ALCAM: variants seen among roughly 807,000 people sequenced by gnomAD.
The protein encoded by ALCAM is CD166 antigen.
In ALCAM, 30 loss-of-function variants were observed where a neutral mutation model predicts 70.9. That is an observed-to-expected ratio of 0.42 (90% CI 0.32 to 0.57). The LOEUF is 0.57. Ranked by LOEUF, ALCAM falls within the 20% of genes least tolerant of loss-of-function variation. The probability of loss-of-function intolerance (pLI) is 0.11; values close to 1 mark genes in which losing one functional copy is unlikely to be tolerated. For synonymous variants in ALCAM, 249 were observed against 242.5 expected, an observed-to-expected ratio of 1.03 and a Z score of -0.25; for missense variants, 591 against 695.1, an observed-to-expected ratio of 0.85 and a Z score of 1.68.
intron 1 of ALCAM, among the ~76,000 whole-genome samples, chr3:105,408,472 A>G (rs1936304494): frequency 6.6e-6 from 1 of 152,140 alleles, no homozygotes; most frequent in African/African-American, 2.4e-5. Flanking sequence ...TATTCAACAA[A>G]TGGTGCTGGG....
chr3:105,387,367 A>G (rs1935686827), intron 1 of ALCAM, among the ~76,000 whole-genome samples: 1 of 151,502 alleles, frequency 6.6e-6, no homozygotes, highest in Non-Finnish European at 1.5e-5. Context: ...GAAATATTGC[A>G]CAATCTATTA....
chr3:105,418,568 G>A (rs1328896484), intron 1 of ALCAM, among the ~76,000 whole-genome samples: 1 of 151,704 alleles, frequency 6.6e-6, no homozygotes, highest in Non-Finnish European at 1.5e-5. Flanking sequence ...TAAAATGGAG[G>A]ATTGTAATGG....
rs1357138899 is a variant in ALCAM, at chr3:105,574,973, A to T, written c.*522A>T. 6.6e-6 allele frequency: 1 copy of T among 152,376 alleles called. No individual in the cohort carries two copies. The highest frequency in any genetic ancestry group is 1.5e-5 in the Non-Finnish European group (1 of 68,010). The allele number at this position is 152,376 out of a possible 1,614,324, so 9.4% of individuals were successfully genotyped here. ...GCTTGTGAAGATTGGGGACACTCAT[A>T]TTGCCCTAATTAAAAACTGTGATTT... is the stretch of plus-strand genomic sequence containing the variant. On this transcript the variant is annotated 3_prime_UTR_variant, in exon 16 of 16. Coordinates refer to ENST00000306107, the MANE Select transcript of ALCAM (RefSeq NM_001627.4).
chr3:105,463,551 A>G (rs926774545), intron 1 of ALCAM, among the ~76,000 whole-genome samples: 8 of 151,430 alleles, frequency 5.3e-5, no homozygotes, highest in African/African-American at 1.9e-4. Flanking sequence ...TTGCTTTGCA[A>G]TTTACAAGAA....
At chr3:105,400,909 A>G (rs1288891548) in intron 1 of ALCAM, among the ~76,000 whole-genome samples, 1 of 152,228 alleles carries the variant, frequency 6.6e-6, no homozygotes, top group Non-Finnish European at 1.5e-5. Context: ...TACCTGTTTT[A>G]TAAAGTTAGT....
chr3:105,552,802 A>G (rs966076944), intron 14 of ALCAM: 105 of 1,345,892 alleles, frequency 7.8e-5, no homozygotes, highest in Non-Finnish European at 9.5e-5. Flanking sequence ...GTGTCCGTTT[A>G]TTTGTCTCAA....
At chr3:105,372,348 T>C (rs1935257186) in intron 1 of ALCAM, among the ~76,000 whole-genome samples, 1 of 152,130 alleles carries the variant, frequency 6.6e-6, no homozygotes, top group Non-Finnish European at 1.5e-5. Context: ...AAATTTTACA[T>C]TCTCTTTTCT....
At chr3:105,372,344 T>C (rs1483748221) in intron 1 of ALCAM, among the ~76,000 whole-genome samples, 2 of 152,122 alleles carry the variant, frequency 1.3e-5, no homozygotes, top group Non-Finnish European at 2.9e-5. Context: ...TAATAAATTT[T>C]ACATTCTCTT....
intron 1 of ALCAM, among the ~76,000 whole-genome samples, chr3:105,484,717 A>G (rs1938375050): frequency 6.6e-6 from 1 of 152,072 alleles, no homozygotes; most frequent in South Asian, 2.1e-4. Context: ...TTAACATCCA[A>G]AGGCATTTTT....
intron 1 of ALCAM, among the ~76,000 whole-genome samples, chr3:105,470,630 C>T (rs920648240): frequency 4.0e-5 from 6 of 150,996 alleles, no homozygotes; most frequent in African/African-American, 9.7e-5. Flanking sequence ...AAAAAGAGAG[C>T]GATAAACAGG....
At chr3:105,520,785 A>G (rs924223411) in intron 2 of ALCAM, among the ~76,000 whole-genome samples, 2 of 152,180 alleles carry the variant, frequency 1.3e-5, no homozygotes, top group East Asian at 1.9e-4. Context: ...TGGAATGGCT[A>G]TGTAACTTTG....
chr3:105,413,356 G>A (rs1936434092), intron 1 of ALCAM, among the ~76,000 whole-genome samples: 2 of 152,094 alleles, frequency 1.3e-5, no homozygotes, highest in Admixed American at 6.6e-5. Flanking sequence ...TATTTGTACA[G>A]TATTTCTTCT....
rs1940935969 is a variant in ALCAM, at chr3:105,575,191, C to T, written c.*740C>T. ...AAACAGAATTTGGTAGCACTTACCT[C>T]TACAGACACCTGCTAATAAATTATT... On this transcript the variant is annotated 3_prime_UTR_variant, in exon 16 of 16. Transcript: ENST00000306107. 1 of 152,576 alleles carries T rather than the reference C, an allele frequency of 6.6e-6. No homozygotes were observed. The highest frequency in any genetic ancestry group is 1.5e-5 in the Non-Finnish European group (1 of 68,036). The allele number at this position is 152,576 out of a possible 1,614,324, so 9.5% of individuals were successfully genotyped here.
chr3:105,424,496 G>T (rs1315486995), intron 1 of ALCAM, among the ~76,000 whole-genome samples: 1 of 151,646 alleles, frequency 6.6e-6, no homozygotes, highest in African/African-American at 2.4e-5. Context: ...TTTCATGGTG[G>T]TCTACTGAGA....
At chr3:105,405,076 G>A (rs1278063296) in intron 1 of ALCAM, among the ~76,000 whole-genome samples, 3 of 151,882 alleles carry the variant, frequency 2.0e-5, no homozygotes, top group Admixed American at 2.0e-4. Flanking sequence ...TCGGGAATTC[G>A]AGACCAGCCT....
chr3:105,482,063 GA>G (rs1308459828), intron 1 of ALCAM, among the ~76,000 whole-genome samples: 1 of 152,000 alleles, frequency 6.6e-6, no homozygotes, highest in Admixed American at 6.6e-5. Flanking sequence ...AAAGAGCCAA[GA>G]AATATTATTT....
At chr3:105,443,456 C>A (rs914314521) in intron 1 of ALCAM, among the ~76,000 whole-genome samples, 1 of 151,642 alleles carries the variant, frequency 6.6e-6, no homozygotes, top group Non-Finnish European at 1.5e-5. Context: ...ATATTGAGAA[C>A]CAATGAATAA....
Position 105,541,905 on chromosome 3 carries a change from C to T in ALCAM, c.991+140C>T, listed in dbSNP as rs1028384448. On this transcript the variant is annotated intron_variant, in intron 8 of 15. Transcript: ENST00000306107. ...TAGATGCAGTAGAGAGAGAAAGCAT[C>T]GGGATAAGCTCAACTTTGTCCAGAT... The T allele has an allele frequency of 6.4e-6, 7 of 1,097,030 alleles. No homozygotes were observed. In the East Asian group the frequency reaches 7.4e-5, roughly 12 times the overall value. The allele number at this position is 1,097,030 out of a possible 1,614,324, so 68.0% of individuals were successfully genotyped here.
Position 105,454,653 on chromosome 3 carries a change from A to ATTTTTTTTTTTTTTTTTT in ALCAM, c.74-65397_74-65380dup, listed in dbSNP as rs59389132. On this transcript the variant is annotated intron_variant, in intron 1 of 15. Transcript: ENST00000306107. Reference sequence around the variant, plus strand: ...ATTGGCACATAGTAGATGCTCATTAATTTTTTTTTTTTTTTTTTTTTTTTT... The same window carrying ATTTTTTTTTTTTTTTTTT: ...ATTGGCACATAGTAGATGCTCATTAATTTTTTTTTTTTTTTTTTTTTTTTTTTTTTTTTTTTTTTTTTT... Among the ~76,000 whole-genome samples, 8 of 61,790 alleles carry ATTTTTTTTTTTTTTTTTT rather than the reference A, an allele frequency of 1.3e-4. 1 individual carries two copies. Among genetic ancestry groups the ATTTTTTTTTTTTTTTTTT allele is most frequent in the Non-Finnish European group, 2.2e-4 (8 of 36,562 alleles). 40.5% of individuals were successfully genotyped at this position (61,790 alleles called of 152,430 possible).
Sources: gnomAD v4.1 joint callset for allele counts (sites outside exome capture counted in the v4.1 genomes callset) on GRCh38, gnomAD v4.1.1 for gene constraint, MANE v1.5 for transcripts, NCBI Gene and HGNC (gene_info 2026-07-23, HGNC 2026-07-21) for gene names.